YWHAZ: variants seen among roughly 807,000 people sequenced by gnomAD.
YWHAZ encodes tyrosine 3-monooxygenase/tryptophan 5-monooxygenase activation protein zeta.
For missense variants in YWHAZ, 79 were observed against 284.8 expected (o/e 0.28, Z 5.20); for synonymous variants, 87 against 103.6 (o/e 0.84, Z 0.97).
chr8:100,929,912 G>C (rs1813645631), intron 2 of YWHAZ, among the ~76,000 whole-genome samples: 1 of 152,038 alleles, frequency 6.6e-6, no homozygotes, highest in Admixed American at 6.5e-5. Context: ...AGGGAGGAAA[G>C]GGCTGATAGC....
At chr8:100,941,622 TA>T (rs1355767781) in intron 2 of YWHAZ, among the ~76,000 whole-genome samples, 1 of 151,954 alleles carries the variant, frequency 6.6e-6, no homozygotes, top group African/African-American at 2.4e-5. Flanking sequence ...CCGTCTCTAC[TA>T]AAAATACAAA....
At chr8:100,952,961 G>C (rs117605232), upstream of YWHAZ, 6 of 1,000,548 alleles carry the variant, frequency 6.0e-6, no homozygotes, top group Non-Finnish European at 7.2e-6. Context: ...TCGAGAGCGC[G>C]GGATCTGCGC....
At chr8:100,925,912 T>A (rs1435533920) in intron 2 of YWHAZ, among the ~76,000 whole-genome samples, 3 of 152,116 alleles carry the variant, frequency 2.0e-5, no homozygotes, top group Admixed American at 2.0e-4. Flanking sequence ...ATTCTAGTAG[T>A]AGAATTAGGT....
At chr8:100,929,867 A>G (rs545306823) in intron 2 of YWHAZ, among the ~76,000 whole-genome samples, 1 of 152,312 alleles carries the variant, frequency 6.6e-6, no homozygotes, top group South Asian at 2.1e-4. Context: ...AACAAAGCAG[A>G]AAAAAACATG....
At chr8:100,923,337 C>T (rs1405752043) in intron 5 of YWHAZ, 1 of 152,074 alleles carries the variant, frequency 6.6e-6, no homozygotes, top group Non-Finnish European at 1.5e-5. Flanking sequence ...TACAAATCAA[C>T]TGCATTGTGG....
At chr8:100,945,950 G>T (rs2130338326) in intron 2 of YWHAZ, among the ~76,000 whole-genome samples, 1 of 152,192 alleles carries the variant, frequency 6.6e-6, no homozygotes, top group South Asian at 2.1e-4. Context: ...CTCCTGAAAA[G>T]ACCAAGGCTG....
At chr8:100,936,453 G>A (rs3134354) in intron 2 of YWHAZ, among the ~76,000 whole-genome samples, 4 of 152,136 alleles carry the variant, frequency 2.6e-5, no homozygotes, top group African/African-American at 9.7e-5. Context: ...ATATAATGCA[G>A]TGAGGAGGAC....
chr8:100,946,546 A>G (rs1018252350), intron 2 of YWHAZ, among the ~76,000 whole-genome samples: 5 of 152,058 alleles, frequency 3.3e-5, no homozygotes, highest in African/African-American at 1.2e-4. Context: ...AGCAAAACTC[A>G]GTCTCAAAAC....
intron 2 of YWHAZ, among the ~76,000 whole-genome samples, chr8:100,930,761 AAT>A (rs1444135763): frequency 2.0e-5 from 3 of 152,256 alleles, no homozygotes; most frequent in Admixed American, 6.5e-5. Context: ...TTAACTTTTA[AAT>A]ATGTTTTTTC....
intron 2 of YWHAZ, among the ~76,000 whole-genome samples, chr8:100,936,852 G>A (rs925650783): frequency 2.0e-5 from 3 of 151,964 alleles, no homozygotes; most frequent in African/African-American, 7.3e-5. Flanking sequence ...TCGAAACTGA[G>A]AGACATTCTA....
chr8:100,948,438 C>T lies in YWHAZ; in HGVS notation c.294+158G>A, dbSNP rs1379712080. 6.6e-6 allele frequency among the ~76,000 whole-genome samples: 1 copy of T among 152,092 alleles called. No homozygotes were observed. Among genetic ancestry groups the T allele is most frequent in the East Asian group, 1.9e-4 (1 of 5,202 alleles). On this transcript the variant is annotated intron_variant, in intron 2 of 5. Transcript: ENST00000395958. The surrounding 1 kb of genome is among the most constrained non-coding windows in gnomAD (Gnocchi z 4.2). ...TTTACATACACGTATCTATAATTGTCTTAACATCTTTTTAGTCATGACACC... is the reference window on the plus strand; with the variant it reads ...TTTACATACACGTATCTATAATTGTTTTAACATCTTTTTAGTCATGACACC...
chr8:100,952,282 G>T, upstream of YWHAZ: 1 of 394,048 alleles, frequency 2.5e-6, no homozygotes, highest in Non-Finnish European at 3.5e-6. Flanking sequence ...TCGGCTTCCA[G>T]CTCCTCTACG....
intron 5 of YWHAZ, 154 bp downstream of exon 5, chr8:100,923,801 G>T: frequency 7.5e-6 from 4 of 530,378 alleles, no homozygotes; most frequent in South Asian, 3.4e-5. Context: ...TCCTTCATAG[G>T]ACTTTAATAG....
At chr8:100,951,275 T>C in intron 1 of YWHAZ, 2 of 983,980 alleles carry the variant, frequency 2.0e-6, no homozygotes, top group Non-Finnish European at 2.4e-6. Context: ...TCCGGCCCGC[T>C]CTCGGCCAGG....
rs1554611349 is a variant in YWHAZ at position 100,918,406 on chromosome 8, CTTTA to C, written c.*2283_*2286del. The C allele has an allele frequency of 5.1e-5, 1 of 19,620 alleles. No homozygotes were observed. Among genetic ancestry groups the C allele is most frequent in the African/African-American group, 1.3e-4 (1 of 7,592 alleles). The allele number at this position is 19,620 out of a possible 1,614,324, so 1.2% of individuals were successfully genotyped here. A position where few individuals can be genotyped will look rare whatever the true frequency, so the allele number is the denominator to read the frequency against. ...TCAGTCTAGCTATAAAATATAATTA[CTTTA>C]TATATATATATATATATATATATAT... On this transcript the variant is annotated 3_prime_UTR_variant, in exon 6 of 6. Coordinates refer to ENST00000395958, the MANE Select transcript of YWHAZ (RefSeq NM_145690.3).
intron 2 of YWHAZ, among the ~76,000 whole-genome samples, chr8:100,934,445 T>TA (rs1409338149): frequency 3.3e-5 from 5 of 151,892 alleles, no homozygotes; most frequent in African/African-American, 1.2e-4. Flanking sequence ...CTCACGCCTG[T>TA]AATCCCACAC....
upstream of YWHAZ, chr8:100,952,831 C>T (rs1810901218): frequency 1.0e-6 from 1 of 1,000,450 alleles, no homozygotes; most frequent in Non-Finnish European, 1.2e-6. Flanking sequence ...CGGCCTCCCT[C>T]CCGCCGCCGC....
rs1333169058 is a variant in YWHAZ, at chr8:100,920,347, G to T, written c.*346C>A. 4.9e-5 allele frequency: 12 copies of T among 245,956 alleles called. No homozygotes were observed. The highest frequency in any genetic ancestry group is 9.4e-5 in the Non-Finnish European group (12 of 127,470). The allele number at this position is 245,956 out of a possible 1,614,324, so 15.2% of individuals were successfully genotyped here. A position where few individuals can be genotyped will look rare whatever the true frequency, so the allele number is the denominator to read the frequency against. On this transcript the variant is annotated 3_prime_UTR_variant, in exon 6 of 6. Transcript: ENST00000395958. ...TTTTATTCCCCGCCAGGACAAACCAGTATGTAGGCAGTTTTCTTTGCTTAG... is the reference window on the plus strand; with the variant it reads ...TTTTATTCCCCGCCAGGACAAACCATTATGTAGGCAGTTTTCTTTGCTTAG...
At position 100,936,765 on chromosome 8, in the gene YWHAZ, A is replaced by T. The variant is rs143636038; in HGVS notation, c.295-11726T>A. Among the ~76,000 whole-genome samples, 972 of 152,282 alleles carry T rather than the reference A, an allele frequency of 6.4e-3. 10 individuals carry two copies. The highest frequency in any genetic ancestry group is 0.022 in the African/African-American group (906 of 41,554). ...GCAAAGTGAGCCAGGATAGCTCGCC[A>T]CTGAAGTCCAGCCTGGGGGACAGAG... On this transcript the variant is annotated intron_variant, in intron 2 of 5. Transcript: ENST00000395958.
Sources: allele counts gnomAD v4.1 joint callset (sites outside exome capture counted in the v4.1 genomes callset), GRCh38; gene constraint gnomAD v4.1.1; non-coding constraint Gnocchi (gnomAD v3.1); transcripts MANE v1.5; gene names NCBI Gene and HGNC (gene_info 2026-07-23, HGNC 2026-07-21).